KATNB1: variants seen among roughly 807,000 people sequenced by gnomAD.
KATNB1 encodes the protein katanin p80 WD40 repeat-containing subunit B1.
Under a neutral mutation model 82.3 loss-of-function variants are expected in KATNB1, and 38 were observed. The ratio of observed to expected loss-of-function variants is 0.46; its 90% CI spans 0.36 to 0.61. The LOEUF (loss-of-function observed/expected upper bound fraction) is 0.61. KATNB1 is among the 20% of genes least tolerant of loss of function. KATNB1 has a pLI of 0.00. For synonymous variants in KATNB1, 361 were observed against 368.7 expected (o/e 0.98, Z 0.24); for missense variants, 749 against 915.7 (o/e 0.82, Z 2.35).
Position 57,751,287 on chromosome 16 carries a change from T to C in KATNB1, c.417T>C (p.Cys139=). 1 of 1,614,008 alleles carries C rather than the reference T, an allele frequency of 6.2e-7. No homozygotes were observed. Among genetic ancestry groups the C allele is most frequent in the Non-Finnish European group, 8.5e-7 (1 of 1,179,916 alleles). ...IKLWDIRRKG[C]VFRYRGHSQA... ...TCTGGGACATCAGGAGGAAAGGCTG[T>C]GTCTTCCGATACAGGGTAAGGATGC... is the stretch of plus-strand genomic sequence containing the variant. Residue 139 remains cysteine, a synonymous_variant, in exon 6 of 20, where the codon TGT becomes TGC. Coordinates refer to ENST00000379661, the MANE Select transcript of KATNB1 (RefSeq NM_005886.3). This position sits in a 1 kb window ranked among gnomAD's most constrained non-coding sequence, Gnocchi z 6.3.
At position 57,750,915 on chromosome 16, in the gene KATNB1, C is replaced by T. The variant is rs2049221539; in HGVS notation, c.378C>T (p.Asp126=). The part of the protein sequence containing the change: ...YGEFVASGSQ[D]TNIKLWDIRR... ...AGTTTGTAGCCTCTGGTTCCCAGGACACAAACATCAAGGTGAGAGGCCGGT... is the reference window on the plus strand; with the variant it reads ...AGTTTGTAGCCTCTGGTTCCCAGGATACAAACATCAAGGTGAGAGGCCGGT... The change falls in exon 5 of 20, where the codon GAC becomes GAT. Residue 126 remains aspartate, a synonymous_variant. Coordinates refer to ENST00000379661, the MANE Select transcript of KATNB1 (RefSeq NM_005886.3). 6.2e-7 allele frequency: 1 copy of T among 1,613,616 alleles called. No homozygotes were observed. The highest frequency in any genetic ancestry group is 1.3e-5 in the African/African-American group (1 of 74,914).
Position 57,751,139 on chromosome 16 carries a change from C to A in KATNB1, c.391-122C>A. On this transcript the variant is annotated intron_variant, in intron 5 of 19. Transcript: ENST00000379661. The surrounding 1 kb of genome is among the most constrained non-coding windows in gnomAD (Gnocchi z 6.3). ...TAGTGAGCAGTTTCTGTCCTTGTCT[C>A]CGTGGGGAGTAACGACCTAGAGAAG... 1 of 980,940 alleles carries A rather than the reference C, an allele frequency of 1.0e-6. No homozygotes were observed. 60.8% of individuals were successfully genotyped at this position (980,940 alleles called of 1,614,324 possible).
chr16:57,739,782 C>T (rs541294884), intron 2 of KATNB1, among the ~76,000 whole-genome samples: 11 of 152,308 alleles, frequency 7.2e-5, no homozygotes, highest in African/African-American at 2.2e-4. Context: ...CTCAGTGTCC[C>T]GCCCCCACCA....
intron 16 of KATNB1, 137 bp downstream of exon 16, chr16:57,755,631 C>G: frequency 8.5e-7 from 1 of 1,174,564 alleles, no homozygotes. Flanking sequence ...GTCACACCAT[C>G]TGTTTCCGCC....
chr16:57,746,526 C>T (rs782055280), intron 4 of KATNB1, among the ~76,000 whole-genome samples: 5 of 152,208 alleles, frequency 3.3e-5, no homozygotes, highest in African/African-American at 4.8e-5. Flanking sequence ...CTGGGCTGAG[C>T]GGAGAGTCTC....
chr16:57,742,605 A>G (rs1011726167), intron 3 of KATNB1, among the ~76,000 whole-genome samples: 3 of 152,280 alleles, frequency 2.0e-5, no homozygotes, highest in African/African-American at 4.8e-5. Flanking sequence ...AAAAATAACA[A>G]TGTTGTAAGG....
intron 2 of KATNB1, 30 bp from the exon 3 acceptor site, chr16:57,741,657 G>A (rs1237161243): frequency 2.5e-6 from 4 of 1,599,800 alleles, no homozygotes; most frequent in Non-Finnish European, 3.4e-6. Flanking sequence ...GGGCCGCCCT[G>A]ATGGCCTCTC....
Position 57,752,980 on chromosome 16 carries a change from T to C in KATNB1, c.855+52T>C, listed in dbSNP as rs782622447. On this transcript the variant is annotated intron_variant, in intron 10 of 19. Transcript: ENST00000379661. ...CCCCACTCCCACAGGGCCACCCGCCTCCCTCCAGCCCAGGCCCCTCCTCCT... is the reference window on the plus strand; with the variant it reads ...CCCCACTCCCACAGGGCCACCCGCCCCCCTCCAGCCCAGGCCCCTCCTCCT... 6 of 1,584,706 alleles carry C rather than the reference T, an allele frequency of 3.8e-6. No homozygotes were observed. The African/African-American group carries it at 5.5e-5, about 14-fold the overall frequency.
In KATNB1 at chr16:57,751,524, G is replaced by A; in HGVS notation, c.433-117G>A. 2 of 1,085,188 alleles carry A rather than the reference G, an allele frequency of 1.8e-6. No individual in the cohort carries two copies. The highest frequency in any genetic ancestry group is 2.8e-6 in the Non-Finnish European group (2 of 715,682). The allele number at this position is 1,085,188 out of a possible 1,614,324, so 67.2% of individuals were successfully genotyped here. A position where few individuals can be genotyped will look rare whatever the true frequency, so the allele number is the denominator to read the frequency against. ...CACGTTCATCAAACTGCTCCAAGCA[G>A]AACCAGGCGGGTAACCAGTGTTGTT... On this transcript the variant is annotated intron_variant, in intron 6 of 19. Coordinates refer to ENST00000379661, the MANE Select transcript of KATNB1 (RefSeq NM_005886.3). This position sits in a 1 kb window ranked among gnomAD's most constrained non-coding sequence, Gnocchi z 6.3.
In KATNB1 at chr16:57,757,017, C is replaced by A. The variant is rs1045451670; in HGVS notation, c.*71C>A. 18 of 1,401,740 alleles carry A rather than the reference C, an allele frequency of 1.3e-5. No individual in the cohort carries two copies. The highest frequency in any genetic ancestry group is 1.7e-5 in the Non-Finnish European group (18 of 1,073,724). 86.8% of individuals were successfully genotyped at this position (1,401,740 alleles called of 1,614,324 possible). On this transcript the variant is annotated 3_prime_UTR_variant, in exon 20 of 20. Coordinates refer to ENST00000379661, the MANE Select transcript of KATNB1 (RefSeq NM_005886.3). ...TCAGCCCCCACTCCTGTTCCTTGTG[C>A]ACCCACTGGCCCATGAGCCTCTGCC...
chr16:57,746,833 T>A (rs999478517), intron 4 of KATNB1, among the ~76,000 whole-genome samples: 1 of 152,220 alleles, frequency 6.6e-6, no homozygotes, highest in Non-Finnish European at 1.5e-5. Context: ...TAGAACACCA[T>A]GCAGGCCAGC....
At chr16:57,738,718 G>A (rs1224653784) in intron 2 of KATNB1, among the ~76,000 whole-genome samples, 1 of 152,198 alleles carries the variant, frequency 6.6e-6, no homozygotes, top group African/African-American at 2.4e-5. Flanking sequence ...GTTCCCCAAG[G>A]AAGGCACACT....
intron 2 of KATNB1, among the ~76,000 whole-genome samples, chr16:57,738,523 T>G (rs2049119692): frequency 1.3e-5 from 2 of 152,124 alleles, no homozygotes. Flanking sequence ...CCCAAAGTGC[T>G]GGGATGACAG....
intron 10 of KATNB1, 48 bp downstream of exon 10, chr16:57,752,976 C>T (rs377716837): frequency 4.2e-4 from 675 of 1,595,242 alleles, no homozygotes; most frequent in Non-Finnish European, 5.6e-4. Context: ...CAGGGCCACC[C>T]GCCTCCCTCC....
At chr16:57,754,747 G>A (rs2049261482) in intron 13 of KATNB1, among the ~76,000 whole-genome samples, 183 bp from the exon 14 acceptor site, 1 of 152,166 alleles carries the variant, frequency 6.6e-6, no homozygotes, top group African/African-American at 2.4e-5. Flanking sequence ...TGGGGGAGAG[G>A]GAGGAGGCAG....
chr16:57,743,029 A>G (rs2049154129), intron 3 of KATNB1, among the ~76,000 whole-genome samples: 1 of 152,198 alleles, frequency 6.6e-6, no homozygotes, highest in Non-Finnish European at 1.5e-5. Flanking sequence ...ACAGTGGCTC[A>G]CGCCTGTAAT....
chr16:57,753,698 T>G (rs1555584530), intron 12 of KATNB1, among the ~76,000 whole-genome samples, 179 bp downstream of exon 12: 1 of 151,914 alleles, frequency 6.6e-6, no homozygotes, highest in East Asian at 2.0e-4. Flanking sequence ...CTGATGGAAC[T>G]GAGAGGGGGG....
intron 2 of KATNB1, among the ~76,000 whole-genome samples, chr16:57,739,983 G>A (rs937902557): frequency 6.6e-6 from 1 of 152,176 alleles, no homozygotes; most frequent in Non-Finnish European, 1.5e-5. Context: ...AGGTAGGCCA[G>A]GGGGAGCGAG....
chr16:57,753,891 TC>T lies in KATNB1; in HGVS notation c.1178-51del. 4 of 1,574,416 alleles carry T rather than the reference TC, an allele frequency of 2.5e-6. No individual in the cohort carries two copies. In the Middle Eastern group the frequency reaches 5.1e-4, roughly 201 times the overall value. On this transcript the variant is annotated intron_variant, in intron 12 of 19. Transcript: ENST00000379661. The stretch of plus-strand genomic sequence containing the variant: ...CCCGCACTCTGGACAGGGCCCTGGG[TC>T]CCAGGTGGCCTGGCCAGGAGCGCTC...
Sources: gnomAD v4.1 joint callset for allele counts (sites outside exome capture counted in the v4.1 genomes callset) on GRCh38, gnomAD v4.1.1 for gene constraint, Gnocchi (gnomAD v3.1) non-coding constraint, MANE v1.5 for transcripts, NCBI Gene and HGNC (gene_info 2026-07-23, HGNC 2026-07-21) for gene names.